Variants in KAZN observed in about 807,000 individuals in gnomAD.
The protein encoded by KAZN is kazrin, periplakin interacting protein, also known as kazrin.
KAZN carries 40 observed loss-of-function variants against 87.4 expected under a neutral mutation model. That is an observed-to-expected ratio of 0.46 (90% CI 0.36 to 0.60). KAZN has a LOEUF of 0.60. Among genes scored for constraint, KAZN ranks in the 20% least tolerant of loss-of-function variants. KAZN has a pLI of 0.00. For synonymous variants in KAZN, 466 were observed against 458.3 expected (o/e 1.02, Z -0.22); for missense variants, 898 against 1,073.9 (o/e 0.84, Z 2.29).
chr1:14,511,331 C>A (rs1670894838), intron 2 of KAZN, among the ~76,000 whole-genome samples: 1 of 152,192 alleles, frequency 6.6e-6, no homozygotes, highest in African/African-American at 2.4e-5. Flanking sequence ...AAGAGAGACA[C>A]ATATTGGAGC....
rs1327559677 is a variant in KAZN at position 14,735,458 on chromosome 1, C to T, written c.226+136235C>T. 6.6e-6 allele frequency among the ~76,000 whole-genome samples: 1 copy of T among 152,196 alleles called. No individual in the cohort carries two copies. Among genetic ancestry groups the T allele is most frequent in the Non-Finnish European group, 1.5e-5 (1 of 68,032 alleles). ...CAGGCAGCCCTGCCCTGGTTTCCAG[C>T]CACCTTGGGTGTTTAGGCTGGACCC... On this transcript the variant is annotated intron_variant, in intron 1 of 14. Transcript: ENST00000376030. This position sits in a 1 kb window ranked among gnomAD's most constrained non-coding sequence, Gnocchi z 4.3.
intron 1 of KAZN, among the ~76,000 whole-genome samples, chr1:13,932,638 G>A (rs1386869335): frequency 6.6e-6 from 1 of 152,212 alleles, no homozygotes; most frequent in Admixed American, 6.5e-5. Flanking sequence ...TTTTATAGAT[G>A]AGGAAATAGA....
chr1:14,650,198 G>A (rs1391936216), intron 1 of KAZN, among the ~76,000 whole-genome samples: 1 of 152,040 alleles, frequency 6.6e-6, no homozygotes, highest in Non-Finnish European at 1.5e-5. Context: ...GCCATGCTCA[G>A]TCATATAAAA....
At chr1:14,750,605 A>C (rs1644388376) in intron 1 of KAZN, among the ~76,000 whole-genome samples, 1 of 151,900 alleles carries the variant, frequency 6.6e-6, no homozygotes, top group Non-Finnish European at 1.5e-5. Flanking sequence ...TTTCTAAAAA[A>C]AAAAAAAAGA....
At chr1:14,381,298 A>G (rs1557677317) in intron 2 of KAZN, among the ~76,000 whole-genome samples, 1 of 152,202 alleles carries the variant, frequency 6.6e-6, no homozygotes, top group Non-Finnish European at 1.5e-5. Flanking sequence ...GCAACCTACA[A>G]GGACTGAACC....
chr1:14,412,163 A>G (rs1469382336), intron 2 of KAZN, among the ~76,000 whole-genome samples: 1 of 152,252 alleles, frequency 6.6e-6, no homozygotes, highest in African/African-American at 2.4e-5. Flanking sequence ...AGTGCAAATT[A>G]AGATGGGCAA....
At chr1:14,436,734 A>AAAAAAAAAAAAAAAAAAC in intron 2 of KAZN, among the ~76,000 whole-genome samples, 1 of 137,368 alleles carries the variant, frequency 7.3e-6, no homozygotes, top group Non-Finnish European at 1.5e-5. Flanking sequence ...AAAAAAAAAA[A>AAAAAAAAAAAAAAAAAAC]AAAACCTTAA....
intron 2 of KAZN, among the ~76,000 whole-genome samples, chr1:14,189,184 A>T (rs1321061156): frequency 5.9e-5 from 9 of 152,132 alleles, no homozygotes; most frequent in Non-Finnish European, 1.2e-4. Flanking sequence ...TGAGATGGTG[A>T]CCTGGCTATT....
intron 2 of KAZN, among the ~76,000 whole-genome samples, chr1:14,508,930 C>T (rs1057107838): frequency 1.2e-4 from 18 of 152,326 alleles, no homozygotes; most frequent in South Asian, 2.1e-4. Context: ...GGGATCATTG[C>T]TTGCCTGTTC....
intron 2 of KAZN, among the ~76,000 whole-genome samples, chr1:14,214,612 A>G (rs1337855367): frequency 1.3e-5 from 2 of 152,318 alleles, no homozygotes; most frequent in Middle Eastern, 3.4e-3. Flanking sequence ...TCTAAACACA[A>G]TAAAGGGGAG....
intron 1 of KAZN, among the ~76,000 whole-genome samples, chr1:14,654,043 T>A (rs1419849059): frequency 6.6e-6 from 1 of 152,158 alleles, no homozygotes; most frequent in Non-Finnish European, 1.5e-5. Context: ...CCTAACACTC[T>A]GGGAGGCCAA....
intron 2 of KAZN, among the ~76,000 whole-genome samples, chr1:14,480,248 G>A (rs1668995777): frequency 6.6e-6 from 1 of 152,180 alleles, no homozygotes; most frequent in South Asian, 2.1e-4. Flanking sequence ...ATCTGCAAAG[G>A]GGACCTTCTA....
intron 1 of KAZN, among the ~76,000 whole-genome samples, chr1:14,863,902 G>C (rs910712489): frequency 6.6e-6 from 1 of 152,198 alleles, no homozygotes; most frequent in Non-Finnish European, 1.5e-5. Context: ...GGAGGAGTCA[G>C]TAGTCCTGCA....
chr1:14,222,725 T>G (rs949223931), intron 2 of KAZN, among the ~76,000 whole-genome samples: 8 of 152,210 alleles, frequency 5.3e-5, no homozygotes, highest in Admixed American at 4.6e-4. Context: ...CCAAGAGGGA[T>G]GAATGTAAGG....
At chr1:14,832,705 C>T (rs1423319500) in intron 1 of KAZN, among the ~76,000 whole-genome samples, 1 of 152,194 alleles carries the variant, frequency 6.6e-6, no homozygotes, top group African/African-American at 2.4e-5. Flanking sequence ...GCACAGCCCA[C>T]GTGCCCTGGG....
intron 1 of KAZN, chr1:14,692,376 T>TA (rs1557893763): frequency 9.5e-6 from 3 of 316,960 alleles, no homozygotes; most frequent in Non-Finnish European, 1.8e-5. Flanking sequence ...TTCTTTTCCA[T>TA]ACGTCAGTTT....
At chr1:13,927,723 C>T (rs1246873192) in intron 1 of KAZN, among the ~76,000 whole-genome samples, 1 of 152,080 alleles carries the variant, frequency 6.6e-6, no homozygotes, top group Non-Finnish European at 1.5e-5. Context: ...AGTGGGAATC[C>T]AAAAGCTAGA....
At chr1:15,020,825 T>C (rs978195257) in intron 2 of KAZN, among the ~76,000 whole-genome samples, 2 of 152,184 alleles carry the variant, frequency 1.3e-5, no homozygotes, top group Non-Finnish European at 1.5e-5. Context: ...GCAAAAACGC[T>C]GGCATGATGT....
chr1:14,301,799 T>G (rs1357369992), intron 2 of KAZN, among the ~76,000 whole-genome samples: 1 of 152,226 alleles, frequency 6.6e-6, no homozygotes. Flanking sequence ...CTTTCCCTAC[T>G]GGCCCATTCT....
Sources: gnomAD v4.1 joint callset for allele counts (sites outside exome capture counted in the v4.1 genomes callset) on GRCh38, gnomAD v4.1.1 for gene constraint, Gnocchi (gnomAD v3.1) non-coding constraint, MANE v1.5 for transcripts, NCBI Gene and HGNC (gene_info 2026-07-23, HGNC 2026-07-21) for gene names.